The following CENPM variants were observed in gnomAD, a reference collection of about 807,000 sequenced individuals.
CENPM encodes the protein interphase centromere complex protein 39.
A neutral mutation model predicts 19.6 loss-of-function variants in CENPM; 14 were observed. The observed-to-expected ratio is 0.71, with a 90% CI of 0.47 to 1.11. CENPM has a LOEUF of 1.11. Ranked by LOEUF, CENPM falls within the 50% of genes most tolerant of loss-of-function variation. CENPM has a pLI of 0.00. For missense variants in CENPM, 239 were observed against 228.4 expected, an observed-to-expected ratio of 1.05 and a Z score of -0.30; for synonymous variants, 114 against 101.5, an observed-to-expected ratio of 1.12 and a Z score of -0.74.
chr22:41,938,761 C>T lies in CENPM; in HGVS notation c.*295G>A, dbSNP rs921465847. ...GTGATTTTTAAACTTTTTTTAGCCA[C>T]AGACCTTTTGTTCAAAGGAAACCTT... On this transcript the variant is annotated 3_prime_UTR_variant, in exon 6 of 6. Coordinates refer to ENST00000215980, the MANE Select transcript of CENPM (RefSeq NM_024053.5). 3.2e-5 allele frequency: 11 copies of T among 346,264 alleles called. No homozygotes were observed. Among genetic ancestry groups the T allele is most frequent in the Non-Finnish European group, 4.7e-5 (9 of 190,452 alleles). The allele number at this position is 346,264 out of a possible 1,614,324, so 21.4% of individuals were successfully genotyped here.
At chr22:41,930,846 T>C in the CENPM span, among the ~76,000 whole-genome samples, 2 of 149,082 alleles carry the variant, frequency 1.3e-5, no homozygotes, top group South Asian at 4.3e-4. Flanking sequence ...GTCTTTTTTT[T>C]TTTTTTTTGA....
the CENPM span, among the ~76,000 whole-genome samples, chr22:41,930,802 G>A: frequency 2.7e-5 from 4 of 149,996 alleles, no homozygotes; most frequent in Non-Finnish European, 5.9e-5. Context: ...TTACAGGCAT[G>A]AGCCACCACT....
downstream of CENPM, among the ~76,000 whole-genome samples, chr22:41,937,857 T>C (rs903861004): frequency 1.3e-5 from 2 of 152,084 alleles, no homozygotes; most frequent in African/African-American, 4.8e-5. Context: ...CCTTTTTTTT[T>C]CTTTGAGACA....
chr22:41,931,019 A>T, the CENPM span, among the ~76,000 whole-genome samples: 2 of 151,296 alleles, frequency 1.3e-5, no homozygotes, highest in African/African-American at 4.9e-5. Flanking sequence ...GCATTTTAGT[A>T]GAGACGGGGC....
chr22:41,939,059 C>T lies in CENPM; in HGVS notation c.540G>A (p.Leu180=). 6.2e-7 allele frequency: 1 copy of T among 1,612,760 alleles called. No individual in the cohort carries two copies. The highest frequency in any genetic ancestry group is 2.2e-5 in the East Asian group (1 of 44,868). The change falls in exon 6 of 6, where the codon CTG becomes CTA. Residue 180 remains leucine, a synonymous_variant. Transcript: ENST00000215980. ...GCAGCCCAGGGGCCAGCCACCCTCA[C>T]AGGTCCTCCAGGGAGGGGCCCTCAG... is the stretch of plus-strand genomic sequence containing the variant. The part of the protein sequence containing the change: ...RSSEGPSLED[L]
chr22:41,942,423 GA>G (rs1390104180), intron 5 of CENPM, among the ~76,000 whole-genome samples: 1 of 152,096 alleles, frequency 6.6e-6, no homozygotes, highest in Non-Finnish European at 1.5e-5. Context: ...CCAGTGTGGG[GA>G]ACACAGCAAG....
chr22:41,936,327 C>T (rs1357814377), downstream of CENPM, among the ~76,000 whole-genome samples: 7 of 152,236 alleles, frequency 4.6e-5, no homozygotes, highest in Admixed American at 3.9e-4. Context: ...TCATCTACCT[C>T]ACAGGTCTGC....
Position 41,947,036 on chromosome 22 carries a change from T to C in CENPM, c.41A>G (p.Asn14Ser), listed in dbSNP as rs767284827. 8 of 1,612,794 alleles carry C rather than the reference T, an allele frequency of 5.0e-6. No homozygotes were observed. Among genetic ancestry groups the C allele is most frequent in the Admixed American group, 1.7e-5 (1 of 60,000 alleles). Reference protein sequence around the residue: ...LRPLDKLPGLNTATILLVGTE... With the variant: ...LRPLDKLPGLSTATILLVGTE... ...TGCACCTACCAAGATGGTGGCCGTG[T>C]TCAGGCCGGGCAGCTTGTCCAGGGG... Residue 14 changes from asparagine to serine, a missense_variant, in exon 1 of 6, where the codon AAC (asparagine) becomes AGC (serine). Transcript: ENST00000215980.
intron 1 of CENPM, 165 bp downstream of exon 1, chr22:41,946,855 G>A (rs2077811183): frequency 1.5e-6 from 1 of 664,650 alleles, no homozygotes; most frequent in Non-Finnish European, 2.7e-6. Context: ...CAACCTCAGA[G>A]AGCGGCTACT....
chr22:41,946,379 G>A (rs2077802142), intron 2 of CENPM, 38 bp downstream of exon 2: 1 of 1,569,710 alleles, frequency 6.4e-7, no homozygotes, highest in Non-Finnish European at 8.8e-7. Flanking sequence ...TCTGGAGTGA[G>A]AGACACGTGG....
At chr22:41,942,931 T>G (rs1335996905) in intron 5 of CENPM, among the ~76,000 whole-genome samples, 1 of 151,442 alleles carries the variant, frequency 6.6e-6, no homozygotes, top group Non-Finnish European at 1.5e-5. Flanking sequence ...CAAGACCTTA[T>G]CTAAAACAAT....
chr22:41,927,751 G>A, the CENPM span, among the ~76,000 whole-genome samples: 1 of 152,174 alleles, frequency 6.6e-6, no homozygotes, highest in East Asian at 1.9e-4. Context: ...CGCCCTCCTC[G>A]GCCTCCCAAA....
the CENPM span, among the ~76,000 whole-genome samples, chr22:41,928,840 T>TCCAGGGCAGGTGGC: frequency 0.025 from 3,827 of 152,124 alleles, 88 homozygotes; most frequent in Admixed American, 0.066. This position sits in a 1 kb window ranked among gnomAD's most constrained non-coding sequence, Gnocchi z 4.0. Flanking sequence ...GTGGCCCACG[T>TCCAGGGCAGGTGGC]CCAGGGCAGG....
Position 41,939,066 on chromosome 22 carries a change from T to TC in CENPM, c.532dup (p.Glu178GlyfsTer22), listed in dbSNP as rs762484483. 2 of 1,612,876 alleles carry TC rather than the reference T, an allele frequency of 1.2e-6. No homozygotes were observed. Among genetic ancestry groups the TC allele is most frequent in the South Asian group, 2.2e-5 (2 of 91,052 alleles). ...AGGGGCCAGCCACCCTCACAGGTCC[T>TC]CCAGGGAGGGGCCCTCAGAGCTTCT... On this transcript the variant is annotated frameshift_variant, in exon 6 of 6. Coordinates refer to ENST00000215980, the MANE Select transcript of CENPM (RefSeq NM_024053.5). LOFTEE classifies it high-confidence loss of function.
intron 4 of CENPM, chr22:41,944,903 G>A: frequency 8.7e-7 from 1 of 1,146,348 alleles, no homozygotes; most frequent in East Asian, 5.5e-5. Flanking sequence ...AGATTCCAAA[G>A]TATGTGTATA....
At chr22:41,943,941 A>C (rs769850483) in intron 4 of CENPM, among the ~76,000 whole-genome samples, 18 of 152,202 alleles carry the variant, frequency 1.2e-4, no homozygotes, top group Non-Finnish European at 2.5e-4. Flanking sequence ...GACATCTAGA[A>C]ATTACTTGGC....
chr22:41,928,728 G>A, the CENPM span, among the ~76,000 whole-genome samples: 6 of 152,254 alleles, frequency 3.9e-5, no homozygotes, highest in East Asian at 5.8e-4. The surrounding 1 kb of genome is among the most constrained non-coding windows in gnomAD (Gnocchi z 4.0). Flanking sequence ...TCCGGGCTGC[G>A]GATGGGCAGG....
the CENPM span, among the ~76,000 whole-genome samples, chr22:41,930,567 G>C: frequency 6.6e-6 from 1 of 151,328 alleles, no homozygotes; most frequent in African/African-American, 2.4e-5. Context: ...ATACAGCAGT[G>C]CGATAAGCAA....
At chr22:41,936,632 C>G (rs1169276904), downstream of CENPM, among the ~76,000 whole-genome samples, 1 of 152,192 alleles carries the variant, frequency 6.6e-6, no homozygotes, top group African/African-American at 2.4e-5. Context: ...GACATCAAAG[C>G]AGAGAGGCCT....
Sources: gnomAD v4.1 joint callset for allele counts (sites outside exome capture counted in the v4.1 genomes callset) on GRCh38, gnomAD v4.1.1 for gene constraint, Gnocchi (gnomAD v3.1) non-coding constraint, MANE v1.5 for transcripts, NCBI Gene and HGNC (gene_info 2026-07-23, HGNC 2026-07-21) for gene names.